C16orf87: variants seen among roughly 807,000 people sequenced by gnomAD.
C16orf87 encodes HDAC and MIER1 interacting protein 1.
C16orf87 carries 13 observed loss-of-function variants against 21.0 expected under a neutral mutation model. The ratio of observed to expected loss-of-function variants is 0.62; its 90% confidence interval spans 0.40 to 0.98. The LOEUF (loss-of-function observed/expected upper bound fraction) is 0.98, where lower values mean the gene tolerates loss of function less well. C16orf87 is among the 50% of genes least tolerant of loss of function. The probability of loss-of-function intolerance (pLI) is 0.00; values close to 1 mark genes in which losing one functional copy is unlikely to be tolerated. For missense variants in C16orf87, 113 were observed against 180.4 expected (o/e 0.63, Z 2.14); for synonymous variants, 49 against 60.2 (o/e 0.81, Z 0.86).
chr16:46,802,827 A>G lies in C16orf87; in HGVS notation c.*125T>C. ...CGAAGTGTGGCACAGGCTAAACGAC[A>G]GGCGAGAAAGAAACAATCGATGGCC... On this transcript the variant is annotated 3_prime_UTR_variant, in exon 4 of 4. Coordinates refer to ENST00000285697, the MANE Select transcript of C16orf87 (RefSeq NM_001001436.4). 2 of 644,718 alleles carry G rather than the reference A, an allele frequency of 3.1e-6. No individual in the cohort carries two copies. The highest frequency in any genetic ancestry group is 5.6e-6 in the Non-Finnish European group (2 of 354,520). 39.9% of individuals were successfully genotyped at this position (644,718 alleles called of 1,614,324 possible).
intron 2 of C16orf87, among the ~76,000 whole-genome samples, chr16:46,816,668 TC>T (rs1358890165): frequency 6.6e-6 from 1 of 152,162 alleles, no homozygotes; most frequent in Non-Finnish European, 1.5e-5. Flanking sequence ...TTATTCTTTC[TC>T]CCCATCTTCT....
At chr16:46,806,739 T>G (rs1471495436) in intron 3 of C16orf87, among the ~76,000 whole-genome samples, 4 of 152,228 alleles carry the variant, frequency 2.6e-5, no homozygotes, top group African/African-American at 7.2e-5. Flanking sequence ...GATATATTAT[T>G]ATGATGATGT....
intron 1 of C16orf87, among the ~76,000 whole-genome samples, chr16:46,827,847 T>C (rs1176837137): frequency 6.6e-6 from 1 of 151,592 alleles, no homozygotes; most frequent in Non-Finnish European, 1.5e-5. Flanking sequence ...CCTTCCAAAG[T>C]GCTGGGATTA....
intron 2 of C16orf87, among the ~76,000 whole-genome samples, chr16:46,824,058 C>T (rs1959522495): frequency 6.6e-6 from 1 of 152,164 alleles, no homozygotes; most frequent in African/African-American, 2.4e-5. Flanking sequence ...ATCCAATTTA[C>T]TCAATGTCAA....
intron 2 of C16orf87, 25 bp from the exon 3 acceptor site, chr16:46,809,810 T>A: frequency 6.6e-7 from 1 of 1,509,750 alleles, no homozygotes; most frequent in Non-Finnish European, 9.1e-7. Flanking sequence ...AAAAGTGATA[T>A]ATTTTAGGGC....
intron 3 of C16orf87, among the ~76,000 whole-genome samples, chr16:46,803,736 A>G (rs997778580): frequency 1.5e-4 from 23 of 151,396 alleles, no homozygotes; most frequent in African/African-American, 5.3e-4. Flanking sequence ...AAAAAAAAAC[A>G]GAAGTCCTTT....
chr16:46,799,956 AAAGTAAGTAAAGAGC>A lies in C16orf87; in HGVS notation c.*2981_*2995del. The A allele has an allele frequency of 6.6e-6, 1 of 152,230 alleles. No individual in the cohort carries two copies. The highest frequency in any genetic ancestry group is 1.5e-5 in the Non-Finnish European group (1 of 68,044). The allele number at this position is 152,230 out of a possible 1,614,324, so 9.4% of individuals were successfully genotyped here. Reference sequence around the variant, plus strand: ...GCCTGGCCAATTAATACTTTATATAAAAGTAAGTAAAGAGCTTAATTTTTCTAAATTTAAGACAAA... The same window carrying A: ...GCCTGGCCAATTAATACTTTATATAATTAATTTTTCTAAATTTAAGACAAA... On this transcript the variant is annotated 3_prime_UTR_variant, in exon 4 of 4. Coordinates refer to ENST00000285697, the MANE Select transcript of C16orf87 (RefSeq NM_001001436.4).
At chr16:46,813,130 A>G (rs1379778900) in intron 2 of C16orf87, among the ~76,000 whole-genome samples, 1 of 152,144 alleles carries the variant, frequency 6.6e-6, no homozygotes, top group Non-Finnish European at 1.5e-5. Context: ...TGATGGCTCC[A>G]AAGTTTTCAC....
rs1967684866 is a variant in C16orf87 at position 46,798,629 on chromosome 16, A to G, written c.*4323T>C. 6.6e-6 allele frequency: 1 copy of G among 152,080 alleles called. No individual in the cohort carries two copies. The highest frequency in any genetic ancestry group is 1.5e-5 in the Non-Finnish European group (1 of 68,076). The allele number at this position is 152,080 out of a possible 1,614,324, so 9.4% of individuals were successfully genotyped here. ...CGGGCATGGTGATGCACACCTGTAT[A>G]CCCAGGTACTTGGGAGGCTGGTGAG... On this transcript the variant is annotated 3_prime_UTR_variant, in exon 4 of 4. Coordinates refer to ENST00000285697, the MANE Select transcript of C16orf87 (RefSeq NM_001001436.4).
At chr16:46,825,057 G>A (rs1366573917) in intron 1 of C16orf87, among the ~76,000 whole-genome samples, 1 of 152,118 alleles carries the variant, frequency 6.6e-6, no homozygotes, top group African/African-American at 2.4e-5. Flanking sequence ...ATGCACTGAT[G>A]TGAGTGACCA....
At chr16:46,804,766 T>G (rs1422674106) in intron 3 of C16orf87, among the ~76,000 whole-genome samples, 1 of 152,162 alleles carries the variant, frequency 6.6e-6, no homozygotes, top group African/African-American at 2.4e-5. Context: ...AGCCAATCCC[T>G]CTCTACACCT....
chr16:46,819,687 C>T (rs1170076136), intron 2 of C16orf87, among the ~76,000 whole-genome samples: 2 of 151,848 alleles, frequency 1.3e-5, no homozygotes, highest in African/African-American at 4.8e-5. Flanking sequence ...TTAAAAAACT[C>T]AATTCCACCG....
intron 2 of C16orf87, among the ~76,000 whole-genome samples, chr16:46,821,872 G>A (rs1426169376): frequency 3.3e-5 from 5 of 152,004 alleles, no homozygotes; most frequent in Non-Finnish European, 5.9e-5. Context: ...AAATCTACAC[G>A]GATGATGTTT....
chr16:46,816,466 C>G (rs1249923480), intron 2 of C16orf87, among the ~76,000 whole-genome samples: 1 of 151,948 alleles, frequency 6.6e-6, no homozygotes, highest in African/African-American at 2.4e-5. Flanking sequence ...CCTGCTAAAG[C>G]GTAGGTGCTA....
At chr16:46,812,390 A>G (rs1968114964) in intron 2 of C16orf87, among the ~76,000 whole-genome samples, 2 of 152,370 alleles carry the variant, frequency 1.3e-5, no homozygotes, top group South Asian at 4.1e-4. Flanking sequence ...ATAAGAAATT[A>G]TCATTAATTT....
intron 3 of C16orf87, among the ~76,000 whole-genome samples, chr16:46,804,589 CT>C (rs1414533210): frequency 6.6e-6 from 1 of 152,134 alleles, no homozygotes; most frequent in Non-Finnish European, 1.5e-5. Context: ...AAACCAATAC[CT>C]TTTTTATAGT....
Position 46,798,218 on chromosome 16 carries a change from C to T in C16orf87, c.*4734G>A, listed in dbSNP as rs1430237205. On this transcript the variant is annotated 3_prime_UTR_variant, in exon 4 of 4. Transcript: ENST00000285697. ...GAAAAACAGCAAAATATCAATAAACCAGAGCAGGTTCTTACAAAAGAGAAA... is the reference window on the plus strand; with the variant it reads ...GAAAAACAGCAAAATATCAATAAACTAGAGCAGGTTCTTACAAAAGAGAAA... 6.6e-6 allele frequency: 1 copy of T among 152,152 alleles called. No homozygotes were observed. Among genetic ancestry groups the T allele is most frequent in the African/African-American group, 2.4e-5 (1 of 41,432 alleles). 9.4% of individuals were successfully genotyped at this position (152,152 alleles called of 1,614,324 possible).
intron 2 of C16orf87, among the ~76,000 whole-genome samples, chr16:46,821,855 G>GA (rs898280185): frequency 6.1e-5 from 9 of 146,484 alleles, no homozygotes; most frequent in East Asian, 2.0e-4. Flanking sequence ...ATGTCCAACT[G>GA]AAAAAAAAAT....
chr16:46,830,304 G>GAA, intron 1 of C16orf87, among the ~76,000 whole-genome samples: 2 of 149,396 alleles, frequency 1.3e-5, no homozygotes. Context: ...GAGAGAGAGA[G>GAA]AGAGACACAC....
Sources: gnomAD v4.1 joint callset for allele counts (sites outside exome capture counted in the v4.1 genomes callset) on GRCh38, gnomAD v4.1.1 for gene constraint, MANE v1.5 for transcripts, NCBI Gene and HGNC (gene_info 2026-07-23, HGNC 2026-07-21) for gene names.